The following DPP10 variants were observed in gnomAD, a reference collection of about 807,000 sequenced individuals.
DPP10 encodes the protein dipeptidyl peptidase like 10.
DPP10 carries 33 observed loss-of-function variants against 120.9 expected under a neutral mutation model. The ratio of observed to expected loss-of-function variants is 0.27; its 90% CI spans 0.21 to 0.37. The LOEUF is 0.37. DPP10 is among the 10% of genes least tolerant of loss of function. The pLI is 1.00. For synonymous variants in DPP10, 337 were observed against 326.1 expected (o/e 1.03, Z -0.36); for missense variants, 816 against 942.8 (o/e 0.87, Z 1.76).
At chr2:115,065,859 GA>G (rs141770104) in intron 1 of DPP10, among the ~76,000 whole-genome samples, 3 of 151,758 alleles carry the variant, frequency 2.0e-5, no homozygotes, top group African/African-American at 4.8e-5. Flanking sequence ...CATGCCAAAA[GA>G]AAAAAAATCC....
intron 3 of DPP10, among the ~76,000 whole-genome samples, chr2:115,442,329 CG>C (rs2072146938): frequency 6.6e-6 from 1 of 151,248 alleles, no homozygotes; most frequent in Non-Finnish European, 1.5e-5. Context: ...CTTGTCACCA[CG>C]GCTCTTGCAA....
intron 8 of DPP10, among the ~76,000 whole-genome samples, chr2:115,729,631 G>A (rs1376808857): frequency 6.6e-6 from 1 of 152,156 alleles, no homozygotes; most frequent in Non-Finnish European, 1.5e-5. Context: ...TTAGCCAGAT[G>A]TGATGGCATG....
chr2:115,473,462 A>AG (rs1333561959), intron 3 of DPP10, among the ~76,000 whole-genome samples: 1 of 152,164 alleles, frequency 6.6e-6, no homozygotes, highest in Non-Finnish European at 1.5e-5. Flanking sequence ...ACCAGATGCA[A>AG]GCTTTATACC....
At chr2:114,572,674 T>C (rs767151451) in intron 1 of DPP10, among the ~76,000 whole-genome samples, 2 of 152,146 alleles carry the variant, frequency 1.3e-5, no homozygotes, top group African/African-American at 2.4e-5. Context: ...TTGAGGTTAA[T>C]GAAGGGGAAG....
intron 3 of DPP10, among the ~76,000 whole-genome samples, chr2:115,410,220 G>T (rs751442995): frequency 7.2e-5 from 11 of 152,218 alleles, no homozygotes; most frequent in Admixed American, 2.6e-4. Context: ...GCAAAGACAT[G>T]AAATCAACTC....
At chr2:115,329,235 C>G (rs2062556149) in intron 2 of DPP10, among the ~76,000 whole-genome samples, 1 of 151,966 alleles carries the variant, frequency 6.6e-6, no homozygotes, top group African/African-American at 2.4e-5. Flanking sequence ...AATTTAGTTA[C>G]TTACCCTATG....
At chr2:114,804,368 C>T (rs1684539558) in intron 1 of DPP10, among the ~76,000 whole-genome samples, 1 of 150,498 alleles carries the variant, frequency 6.6e-6, no homozygotes, top group African/African-American at 2.4e-5. Context: ...TGGGTCACTG[C>T]CTGGTGGAGC....
chr2:115,097,415 T>C (rs1412806139), intron 1 of DPP10, among the ~76,000 whole-genome samples: 1 of 152,214 alleles, frequency 6.6e-6, no homozygotes, highest in African/African-American at 2.4e-5. Context: ...ATTTAAGTAC[T>C]CTTAGATCAC....
intron 7 of DPP10, among the ~76,000 whole-genome samples, chr2:115,714,928 G>A (rs1325607606): frequency 2.6e-5 from 4 of 151,556 alleles, no homozygotes; most frequent in African/African-American, 7.3e-5. Flanking sequence ...TACTTGGGAT[G>A]CTGAGGCTGG....
intron 1 of DPP10, among the ~76,000 whole-genome samples, chr2:115,101,092 C>T (rs1436124205): frequency 2.0e-5 from 3 of 152,148 alleles, no homozygotes; most frequent in Non-Finnish European, 2.9e-5. Context: ...GTCCTCATCA[C>T]GCAGCCACAG....
intron 1 of DPP10, among the ~76,000 whole-genome samples, chr2:115,115,304 G>A (rs536577938): frequency 1.3e-5 from 2 of 152,216 alleles, no homozygotes; most frequent in Admixed American, 1.3e-4. Flanking sequence ...AGGCTTGCCT[G>A]GGCTTCTGTG....
intron 1 of DPP10, among the ~76,000 whole-genome samples, chr2:114,463,029 A>G (rs186413455): frequency 9.2e-5 from 14 of 152,144 alleles, no homozygotes; most frequent in Admixed American, 3.9e-4. Context: ...AGAATCAGCA[A>G]TTTCCCCGAG....
chr2:114,821,675 G>C (rs912741516), intron 1 of DPP10, among the ~76,000 whole-genome samples: 1 of 152,072 alleles, frequency 6.6e-6, no homozygotes, highest in Non-Finnish European at 1.5e-5. Context: ...GATACAATGG[G>C]GTACAGGCAT....
intron 3 of DPP10, among the ~76,000 whole-genome samples, chr2:115,423,797 A>G (rs1446417283): frequency 2.6e-5 from 4 of 152,150 alleles, no homozygotes; most frequent in Non-Finnish European, 4.4e-5. Flanking sequence ...TGGTTTGAGT[A>G]TGACTGTCTT....
At chr2:115,492,539 T>C (rs979604471) in intron 3 of DPP10, among the ~76,000 whole-genome samples, 5 of 152,198 alleles carry the variant, frequency 3.3e-5, no homozygotes, top group African/African-American at 1.2e-4. Context: ...TTATGAGCCT[T>C]AGATGGGCGG....
At chr2:114,884,597 G>A (rs753251037) in intron 1 of DPP10, among the ~76,000 whole-genome samples, 1 of 152,068 alleles carries the variant, frequency 6.6e-6, no homozygotes, top group Non-Finnish European at 1.5e-5. Context: ...GGAACAGGTG[G>A]TGTTTGGTTA....
intron 3 of DPP10, among the ~76,000 whole-genome samples, chr2:115,446,469 A>T (rs1005278110): frequency 1.3e-5 from 2 of 152,218 alleles, no homozygotes; most frequent in African/African-American, 4.8e-5. Flanking sequence ...GCAGCTCAAC[A>T]GTCAAAGACA....
intron 1 of DPP10, among the ~76,000 whole-genome samples, chr2:115,103,076 T>C (rs1480466893): frequency 1.3e-5 from 2 of 152,174 alleles, no homozygotes; most frequent in African/African-American, 4.8e-5. Flanking sequence ...AAATGAACTC[T>C]AAAACAGAAA....
chr2:115,252,884 A>G (rs1266803989), intron 1 of DPP10, among the ~76,000 whole-genome samples: 1 of 152,236 alleles, frequency 6.6e-6, no homozygotes, highest in Non-Finnish European at 1.5e-5. Context: ...AAAGTTGTTA[A>G]CCAAGATTTT....
Sources: allele counts gnomAD v4.1 joint callset (sites outside exome capture counted in the v4.1 genomes callset), GRCh38; gene constraint gnomAD v4.1.1; transcripts MANE v1.5; gene names NCBI Gene and HGNC (gene_info 2026-07-23, HGNC 2026-07-21).